Variants in FSTL4 observed in about 807,000 individuals in gnomAD.
FSTL4 encodes follistatin-related protein 4.
Under a neutral mutation model 78.2 loss-of-function variants are expected in FSTL4, and 28 were observed. That is an observed-to-expected ratio of 0.36 (90% CI 0.27 to 0.49). The LOEUF is 0.49. Among genes scored for constraint, FSTL4 ranks in the 20% least tolerant of loss-of-function variants. The probability of loss-of-function intolerance (pLI) is 0.98; values close to 1 mark genes in which losing one functional copy is unlikely to be tolerated. For synonymous variants in FSTL4, 422 were observed against 440.5 expected, an observed-to-expected ratio of 0.96 and a Z score of 0.53; for missense variants, 922 against 1,084.9, an observed-to-expected ratio of 0.85 and a Z score of 2.11.
chr5:133,470,542 T>C (rs1024682425), intron 3 of FSTL4, among the ~76,000 whole-genome samples: 2 of 151,940 alleles, frequency 1.3e-5, no homozygotes, highest in African/African-American at 4.8e-5. Context: ...GTCAGGAGTT[T>C]GAGACCAGCC....
At chr5:133,799,170 CT>C in the FSTL4 span, among the ~76,000 whole-genome samples, 453 of 137,354 alleles carry the variant, frequency 3.3e-3, 75 homozygotes, top group African/African-American at 0.012. Flanking sequence ...CCCTCTTCCC[CT>C]GGGCATGTAA....
At chr5:133,773,188 A>T in the FSTL4 span, among the ~76,000 whole-genome samples, 1 of 152,038 alleles carries the variant, frequency 6.6e-6, no homozygotes, top group African/African-American at 2.4e-5. Context: ...TTCAAGAATG[A>T]CTAAGTGATT....
At chr5:133,474,438 G>C (rs1757887638) in intron 3 of FSTL4, among the ~76,000 whole-genome samples, 1 of 152,166 alleles carries the variant, frequency 6.6e-6, no homozygotes, top group Admixed American at 6.5e-5. Context: ...AGTGTCCCTA[G>C]CTCCATCAGT....
At chr5:133,841,488 A>G in the FSTL4 span, among the ~76,000 whole-genome samples, 3 of 152,312 alleles carry the variant, frequency 2.0e-5, no homozygotes, top group Non-Finnish European at 2.9e-5. Flanking sequence ...GTTCTTCTAG[A>G]AATAATAAGA....
chr5:133,471,422 G>T (rs181672700), intron 3 of FSTL4, among the ~76,000 whole-genome samples: 1 of 152,280 alleles, frequency 6.6e-6, no homozygotes, highest in Non-Finnish European at 1.5e-5. Flanking sequence ...ATGGTATTAG[G>T]ATGTGGGGCC....
chr5:133,304,803 T>C (rs569994374), intron 6 of FSTL4, among the ~76,000 whole-genome samples: 1 of 152,212 alleles, frequency 6.6e-6, no homozygotes, highest in African/African-American at 2.4e-5. Flanking sequence ...TCAGTTCTGG[T>C]TCAGAATTGA....
chr5:133,750,862 C>T, the FSTL4 span, among the ~76,000 whole-genome samples: 1 of 152,140 alleles, frequency 6.6e-6, no homozygotes, highest in Admixed American at 6.5e-5. Flanking sequence ...CCACACGTGA[C>T]CACTGATCTA....
intron 3 of FSTL4, among the ~76,000 whole-genome samples, chr5:133,407,415 T>C (rs1412374361): frequency 1.3e-5 from 2 of 152,244 alleles, no homozygotes; most frequent in Non-Finnish European, 2.9e-5. Context: ...GAGCACAGCC[T>C]GTATGCTGAG....
At chr5:133,436,033 G>A (rs1561716092) in intron 3 of FSTL4, among the ~76,000 whole-genome samples, 1 of 152,202 alleles carries the variant, frequency 6.6e-6, no homozygotes, top group East Asian at 1.9e-4. Context: ...CCAAGTGTTA[G>A]GCACTAGAGA....
rs113765031 is a variant in FSTL4, at chr5:133,397,621, C to CA, written c.409+3116dup. On this transcript the variant is annotated intron_variant, in intron 4 of 15. Transcript: ENST00000265342. ...TGGTGAAGGCTATGTGTCCCCCCAC[C>CA]AGTCCTCAGGAGAACCCCCTCCCTG... Among the ~76,000 whole-genome samples, 617 of 152,310 alleles carry CA rather than the reference C, an allele frequency of 4.1e-3. 5 individuals are homozygous for CA. Among genetic ancestry groups the CA allele is most frequent in the African/African-American group, 0.014 (593 of 41,576 alleles).
chr5:133,559,981 G>A (rs944497010), intron 3 of FSTL4, among the ~76,000 whole-genome samples: 1 of 152,196 alleles, frequency 6.6e-6, no homozygotes, highest in Non-Finnish European at 1.5e-5. Context: ...ACGGAGAGAT[G>A]ACATAAAGCC....
chr5:133,331,093 T>C (rs1283192570), intron 4 of FSTL4, among the ~76,000 whole-genome samples: 1 of 152,146 alleles, frequency 6.6e-6, no homozygotes, highest in Non-Finnish European at 1.5e-5. Context: ...ATCACCTCTG[T>C]GCACTGGGGT....
At chr5:133,819,784 AAAG>A in the FSTL4 span, among the ~76,000 whole-genome samples, 1 of 152,218 alleles carries the variant, frequency 6.6e-6, no homozygotes, top group Non-Finnish European at 1.5e-5. Flanking sequence ...CCTTGCACAT[AAAG>A]AATATTCAGG....
chr5:133,575,308 CA>C (rs1158801513), intron 2 of FSTL4: 7 of 152,306 alleles, frequency 4.6e-5, no homozygotes, highest in Middle Eastern at 3.4e-3. Flanking sequence ...AAAAATATGA[CA>C]GGGATTAAGA....
chr5:133,210,327 A>C (rs1163780784), intron 13 of FSTL4, 29 bp from the exon 14 acceptor site: 28 of 1,278,454 alleles, frequency 2.2e-5, no homozygotes, highest in Non-Finnish European at 3.2e-5. Context: ...CATGTTGTGA[A>C]AGCTGACATG....
intron 3 of FSTL4, among the ~76,000 whole-genome samples, chr5:133,465,681 A>C (rs1317970162): frequency 1.3e-5 from 2 of 152,222 alleles, no homozygotes; most frequent in Non-Finnish European, 2.9e-5. Context: ...GTAAGGGAGC[A>C]GTTCCTCTCA....
At chr5:133,465,045 C>G (rs116409030) in intron 3 of FSTL4, among the ~76,000 whole-genome samples, 2,097 of 152,244 alleles carry the variant, frequency 0.014, 42 homozygotes, top group African/African-American at 0.048. Context: ...CATGCAGTCA[C>G]TTTGTATTTA....
intron 11 of FSTL4, among the ~76,000 whole-genome samples, chr5:133,222,032 C>G (rs73273873): frequency 0.018 from 2,731 of 149,066 alleles, 82 homozygotes; most frequent in African/African-American, 0.059. Flanking sequence ...TTTTTTCCAA[C>G]AACTCTGCAT....
At chr5:133,642,639 A>G in the FSTL4 span, among the ~76,000 whole-genome samples, 1 of 152,220 alleles carries the variant, frequency 6.6e-6, no homozygotes, top group Non-Finnish European at 1.5e-5. Context: ...CAAATTTTGC[A>G]GGGTGGAACT....
Sources: allele counts gnomAD v4.1 joint callset (sites outside exome capture counted in the v4.1 genomes callset), GRCh38; gene constraint gnomAD v4.1.1; transcripts MANE v1.5; gene names NCBI Gene and HGNC (gene_info 2026-07-23, HGNC 2026-07-21).